TSPAN14: variants seen among roughly 807,000 people sequenced by gnomAD.
The protein encoded by TSPAN14 is tetraspanin 14.
In TSPAN14, 16 loss-of-function variants were observed where a neutral mutation model predicts 36.6. The observed-to-expected ratio is 0.44, with a 90% confidence interval of 0.30 to 0.66. The LOEUF is 0.66. Among genes scored for constraint, TSPAN14 ranks in the 30% least tolerant of loss-of-function variants. The probability of loss-of-function intolerance (pLI) is 0.12; values close to 1 mark genes in which losing one functional copy is unlikely to be tolerated. For synonymous variants in TSPAN14, 139 were observed against 143.8 expected (o/e 0.97, Z 0.24); for missense variants, 231 against 355.1 (o/e 0.65, Z 2.81).
chr10:80,489,853 T>C (rs546102678), intron 2 of TSPAN14, among the ~76,000 whole-genome samples: 1 of 152,176 alleles, frequency 6.6e-6, no homozygotes, highest in East Asian at 1.9e-4. Context: ...GGCTGAAAAC[T>C]TGAGTACTAA....
intron 2 of TSPAN14, among the ~76,000 whole-genome samples, chr10:80,493,843 G>C (rs536314627): frequency 1.3e-5 from 2 of 152,270 alleles, no homozygotes; most frequent in South Asian, 4.1e-4. Flanking sequence ...TGGAGGAGTG[G>C]CATCTGGCTC....
intron 2 of TSPAN14, among the ~76,000 whole-genome samples, chr10:80,495,164 G>T (rs905823532): frequency 3.3e-5 from 5 of 151,964 alleles, no homozygotes; most frequent in Non-Finnish European, 1.5e-5. Flanking sequence ...TATGTAATAC[G>T]CATTCTTCCC....
intron 1 of TSPAN14, among the ~76,000 whole-genome samples, chr10:80,476,409 GTTTTTTTTTTTT>G (rs60589813): frequency 1.8e-4 from 15 of 85,048 alleles, no homozygotes; most frequent in Admixed American, 3.2e-4. Context: ...TTGTTTTACT[GTTTTTTTTTTTT>G]TTTTTTTTTT....
chr10:80,501,659 C>CG (rs1848532630), intron 2 of TSPAN14, among the ~76,000 whole-genome samples: 2 of 152,302 alleles, frequency 1.3e-5, no homozygotes, highest in Admixed American at 1.3e-4. Flanking sequence ...GATGGGGCAT[C>CG]GGCCTCTGGG....
intron 5 of TSPAN14, among the ~76,000 whole-genome samples, chr10:80,511,232 C>T (rs1049662888): frequency 6.6e-6 from 1 of 152,156 alleles, no homozygotes; most frequent in Non-Finnish European, 1.5e-5. Context: ...ACACCAGATG[C>T]GAGGAAGGGG....
chr10:80,496,746 T>C (rs1163201921), intron 2 of TSPAN14, among the ~76,000 whole-genome samples: 1 of 152,208 alleles, frequency 6.6e-6, no homozygotes, highest in Non-Finnish European at 1.5e-5. Flanking sequence ...TCATTGGCTG[T>C]TAAACCCATC....
intron 1 of TSPAN14, among the ~76,000 whole-genome samples, chr10:80,472,974 C>T (rs778616947): frequency 6.6e-6 from 1 of 152,154 alleles, no homozygotes; most frequent in African/African-American, 2.4e-5. Flanking sequence ...TGGAGCATGG[C>T]GTCAGTCACA....
At chr10:80,467,110 A>T (rs74597378) in intron 1 of TSPAN14, among the ~76,000 whole-genome samples, 1,866 of 152,156 alleles carry the variant, frequency 0.012, 60 homozygotes, top group East Asian at 0.088. Flanking sequence ...TCGGTATCTT[A>T]TTGTCACAAA....
chr10:80,506,221 C>T (rs543449234), intron 3 of TSPAN14, among the ~76,000 whole-genome samples: 1 of 152,354 alleles, frequency 6.6e-6, no homozygotes, highest in African/African-American at 2.4e-5. Flanking sequence ...GATCTGCCCT[C>T]CTCGGCCTCC....
intron 1 of TSPAN14, chr10:80,485,484 G>A (rs938983355): frequency 3.0e-4 from 83 of 273,600 alleles, no homozygotes; most frequent in Non-Finnish European, 4.4e-4. Context: ...TGAAGCCTCC[G>A]AGCCATACCT....
intron 4 of TSPAN14, among the ~76,000 whole-genome samples, chr10:80,508,663 G>A (rs1318478798): frequency 6.6e-6 from 1 of 152,180 alleles, no homozygotes; most frequent in Non-Finnish European, 1.5e-5. Flanking sequence ...CTTTCATGCA[G>A]AGTTGGTACA....
At chr10:80,457,666 G>A (rs1489631223) in intron 1 of TSPAN14, among the ~76,000 whole-genome samples, 1 of 152,174 alleles carries the variant, frequency 6.6e-6, no homozygotes, top group East Asian at 1.9e-4. Context: ...CACATAGCAG[G>A]TACCCCGGAA....
chr10:80,457,438 C>T (rs1170273503), intron 1 of TSPAN14, among the ~76,000 whole-genome samples: 1 of 152,192 alleles, frequency 6.6e-6, no homozygotes, highest in Non-Finnish European at 1.5e-5. Context: ...ATCCGCCCGC[C>T]TCGGCCTCCC....
At chr10:80,482,032 C>T (rs1343251747) in intron 1 of TSPAN14, among the ~76,000 whole-genome samples, 9 of 152,156 alleles carry the variant, frequency 5.9e-5, no homozygotes, top group African/African-American at 2.4e-5. Flanking sequence ...GGATTACAGG[C>T]GTGAGCCACT....
At chr10:80,516,291 G>A in exon 8 of TSPAN14, 1 of 1,614,248 alleles carries the variant, frequency 6.2e-7, no homozygotes, top group Non-Finnish European at 8.5e-7. Context: ...TTACATTGTG[G>A]CTGGCGTCTT....
rs368690463 is a variant in TSPAN14, at chr10:80,483,821, A to G, written c.-17-5396A>G. ...GCTACTCAGTAGGCTGAGGCAGGAT[A>G]ATCACTTGAACCCGGGAGGCGGAGG... On this transcript the variant is annotated intron_variant, in intron 1 of 8. Coordinates refer to ENST00000429989, the Ensembl canonical transcript of TSPAN14. Among the ~76,000 whole-genome samples the G allele has an allele frequency of 1.7e-3, 246 of 144,608 alleles. 3 individuals carry two copies. The Middle Eastern group carries it at 0.042, about 24-fold the overall frequency. 94.9% of individuals were successfully genotyped at this position (144,608 alleles called of 152,430 possible). A position where few individuals can be genotyped will look rare whatever the true frequency, so the allele number is the denominator to read the frequency against.
chr10:80,454,552 A>T (rs978345023), intron 1 of TSPAN14, among the ~76,000 whole-genome samples, 181 bp downstream of exon 1: 73 of 151,606 alleles, frequency 4.8e-4, no homozygotes, highest in African/African-American at 1.7e-3. Context: ...TTTGTCTGCC[A>T]GGATTGCTCG....
Position 80,494,740 on chromosome 10 carries a change from A to T in TSPAN14, c.81+5426A>T, listed in dbSNP as rs573330963. Among the ~76,000 whole-genome samples, 5 of 152,356 alleles carry T rather than the reference A, an allele frequency of 3.3e-5. No individual in the cohort carries two copies. The South Asian group carries it at 8.3e-4, about 25-fold the overall frequency. ...CAAATGATTTCTTCATTTCCATCTC[A>T]GTAATGCAGTCAAAAGGGAAAAGTC... On this transcript the variant is annotated intron_variant, in intron 2 of 8. Coordinates refer to ENST00000429989, the Ensembl canonical transcript of TSPAN14.
intron 2 of TSPAN14, among the ~76,000 whole-genome samples, chr10:80,502,735 G>A (rs75167015): frequency 0.011 from 1,602 of 152,232 alleles, 30 homozygotes; most frequent in African/African-American, 0.037. Context: ...AGGAGGACAA[G>A]TAAAGTAGAC....
Sources: allele counts gnomAD v4.1 joint callset (sites outside exome capture counted in the v4.1 genomes callset), GRCh38; gene constraint gnomAD v4.1.1; transcripts MANE v1.5; gene names NCBI Gene and HGNC (gene_info 2026-07-23, HGNC 2026-07-21).